Variants in CNTNAP2 observed in about 807,000 individuals in gnomAD.
CNTNAP2 encodes contactin-associated protein-like 2.
CNTNAP2 carries 98 observed loss-of-function variants against 155.2 expected under a neutral mutation model. The ratio of observed to expected loss-of-function variants is 0.63; its 90% CI spans 0.54 to 0.75. The LOEUF is 0.75. Among genes scored for constraint, CNTNAP2 ranks in the 30% least tolerant of loss-of-function variants. The probability of loss-of-function intolerance (pLI) is 0.00; values close to 1 mark genes in which losing one functional copy is unlikely to be tolerated. For synonymous variants in CNTNAP2, 651 were observed against 631.2 expected, an observed-to-expected ratio of 1.03 and a Z score of -0.47; for missense variants, 1,727 against 1,688.1, an observed-to-expected ratio of 1.02 and a Z score of -0.40.
At chr7:147,118,912 G>A (rs551046306) in intron 5 of CNTNAP2, among the ~76,000 whole-genome samples, 43 of 152,192 alleles carry the variant, frequency 2.8e-4, no homozygotes, top group African/African-American at 1.0e-3. Flanking sequence ...AAATATTTTT[G>A]CATTACATTT....
intron 7 of CNTNAP2, among the ~76,000 whole-genome samples, chr7:147,131,939 A>G (rs1412555330): frequency 3.3e-5 from 5 of 151,942 alleles, no homozygotes; most frequent in East Asian, 1.9e-4. Flanking sequence ...CACACCCACA[A>G]CACACATACA....
chr7:147,170,076 T>C (rs986977741), intron 8 of CNTNAP2, among the ~76,000 whole-genome samples: 3 of 152,174 alleles, frequency 2.0e-5, no homozygotes, highest in Non-Finnish European at 2.9e-5. Flanking sequence ...GGTGGGTCTC[T>C]GGTCCTTTAA....
At chr7:148,013,852 T>C (rs376525899) in intron 15 of CNTNAP2, among the ~76,000 whole-genome samples, 1 of 152,178 alleles carries the variant, frequency 6.6e-6, no homozygotes, top group East Asian at 1.9e-4. Context: ...TGGAATTTCT[T>C]GGTGGCAGTT....
At chr7:148,140,527 G>A (rs1805043809) in intron 16 of CNTNAP2, among the ~76,000 whole-genome samples, 1 of 150,852 alleles carries the variant, frequency 6.6e-6, no homozygotes, top group Non-Finnish European at 1.5e-5. Context: ...AGGTTCATGT[G>A]ATTCTCTTGC....
chr7:148,367,971 G>A (rs374429483), intron 21 of CNTNAP2, among the ~76,000 whole-genome samples: 11 of 152,106 alleles, frequency 7.2e-5, no homozygotes, highest in African/African-American at 1.7e-4. Context: ...AGCACACAGC[G>A]AGCATTGTCA....
intron 13 of CNTNAP2, among the ~76,000 whole-genome samples, chr7:147,727,337 A>G (rs1224841126): frequency 6.6e-6 from 1 of 152,018 alleles, no homozygotes; most frequent in Non-Finnish European, 1.5e-5. Context: ...TAGTTTAGGT[A>G]CCAGGTAAAG....
chr7:147,471,402 T>G (rs1303764386), intron 10 of CNTNAP2, among the ~76,000 whole-genome samples: 1 of 152,148 alleles, frequency 6.6e-6, no homozygotes, highest in East Asian at 1.9e-4. Flanking sequence ...GTTTGGGGGA[T>G]GAGGGTAGCT....
At chr7:147,078,697 C>A (rs1179094074) in intron 4 of CNTNAP2, among the ~76,000 whole-genome samples, 2 of 151,976 alleles carry the variant, frequency 1.3e-5, no homozygotes, top group Non-Finnish European at 2.9e-5. Flanking sequence ...TTAAAAAAAA[C>A]TCTCTATCTA....
intron 15 of CNTNAP2, among the ~76,000 whole-genome samples, chr7:148,029,612 T>C (rs924190928): frequency 6.6e-6 from 1 of 152,216 alleles, no homozygotes; most frequent in Non-Finnish European, 1.5e-5. Context: ...CACCCTAGAA[T>C]TGATGGTTTC....
intron 1 of CNTNAP2, among the ~76,000 whole-genome samples, chr7:146,348,970 C>G (rs192893985): frequency 8.5e-4 from 129 of 151,988 alleles, no homozygotes; most frequent in African/African-American, 2.9e-3. Flanking sequence ...ATTACCCTTC[C>G]TTTTTATTGT....
intron 3 of CNTNAP2, among the ~76,000 whole-genome samples, chr7:146,969,885 G>T (rs1298782240): frequency 6.6e-6 from 1 of 152,204 alleles, no homozygotes; most frequent in South Asian, 2.1e-4. Flanking sequence ...GAACAGAACA[G>T]AGCCCTCAGA....
intron 12 of CNTNAP2, among the ~76,000 whole-genome samples, chr7:147,605,089 C>CGGA (rs1801035314): frequency 6.6e-6 from 1 of 151,658 alleles, no homozygotes; most frequent in Non-Finnish European, 1.5e-5. Flanking sequence ...TGCAAAGTAG[C>CGGA]AGATTTAATC....
rs542261782 is a variant in CNTNAP2 at position 147,775,821 on chromosome 7, G to C, written c.2099-127744G>C. Among the ~76,000 whole-genome samples the C allele has an allele frequency of 1.9e-4, 29 of 152,200 alleles. No individual in the cohort carries two copies. In the South Asian group the frequency reaches 5.8e-3, roughly 30 times the overall value. On this transcript the variant is annotated intron_variant, in intron 13 of 23. Coordinates refer to ENST00000361727, the MANE Select transcript of CNTNAP2 (RefSeq NM_014141.6). ...GTCTATTCCTGGATCCTATCTTTAA[G>C]GTGTTACTGACTGGCATTCATGGGT...
chr7:147,271,904 A>G (rs1282076731), intron 8 of CNTNAP2, among the ~76,000 whole-genome samples: 3 of 152,224 alleles, frequency 2.0e-5, no homozygotes, highest in African/African-American at 7.2e-5. Context: ...CATTATTACT[A>G]CTTTTGAGAT....
At chr7:146,689,632 T>C (rs978683902) in intron 1 of CNTNAP2, among the ~76,000 whole-genome samples, 4 of 152,152 alleles carry the variant, frequency 2.6e-5, no homozygotes, top group African/African-American at 9.6e-5. Context: ...ACTTGTCCTT[T>C]GTGCTGACTG....
chr7:146,265,256 TG>T (rs1031728394), intron 1 of CNTNAP2, among the ~76,000 whole-genome samples: 7 of 152,302 alleles, frequency 4.6e-5, no homozygotes, highest in Admixed American at 1.3e-4. Flanking sequence ...CCATTATGTA[TG>T]GTTATTTACA....
chr7:147,921,378 C>T (rs1379138993), intron 14 of CNTNAP2, among the ~76,000 whole-genome samples: 1 of 152,062 alleles, frequency 6.6e-6, no homozygotes, highest in Non-Finnish European at 1.5e-5. Context: ...TAGGACAGTG[C>T]CTGGAAAGTT....
intron 1 of CNTNAP2, among the ~76,000 whole-genome samples, chr7:146,247,767 G>T (rs1471706996): frequency 6.6e-6 from 1 of 152,148 alleles, no homozygotes; most frequent in African/African-American, 2.4e-5. Flanking sequence ...CAGGTGAGAG[G>T]TGAAGAGGTT....
chr7:146,713,096 G>A (rs141211462), intron 1 of CNTNAP2, among the ~76,000 whole-genome samples: 3 of 151,848 alleles, frequency 2.0e-5, no homozygotes, highest in South Asian at 2.1e-4. Context: ...TCTCAGACTC[G>A]CAGGACCCTA....
Sources: gnomAD v4.1 joint callset for allele counts (sites outside exome capture counted in the v4.1 genomes callset) on GRCh38, gnomAD v4.1.1 for gene constraint, MANE v1.5 for transcripts, NCBI Gene and HGNC (gene_info 2026-07-23, HGNC 2026-07-21) for gene names.